The following PIBF1 variants were observed in gnomAD, a reference collection of about 807,000 sequenced individuals.
The protein encoded by PIBF1 is progesterone immunomodulatory binding factor 1, also known as progesterone-induced-blocking factor 1.
PIBF1 carries 90 observed loss-of-function variants against 112.5 expected under a neutral mutation model. The observed-to-expected ratio is 0.80, with a 90% CI of 0.67 to 0.95. PIBF1 has a LOEUF of 0.95. PIBF1 is among the 40% of genes least tolerant of loss of function. PIBF1 has a pLI of 0.00. For missense variants in PIBF1, 915 were observed against 852.3 expected (o/e 1.07, Z -0.92); for synonymous variants, 301 against 288.6 (o/e 1.04, Z -0.44).
Position 72,795,552 on chromosome 13 carries a change from G to A in PIBF1, c.547G>A (p.Val183Ile). 6.8e-7 allele frequency: 1 copy of A among 1,470,638 alleles called. No individual in the cohort carries two copies. The highest frequency in any genetic ancestry group is 9.4e-7 in the Non-Finnish European group (1 of 1,065,910). 91.1% of individuals were successfully genotyped at this position (1,470,638 alleles called of 1,614,324 possible). Residue 183 changes from valine (V) to isoleucine (I), a missense_variant, in exon 4 of 18, where the codon GTA becomes ATA. Coordinates refer to ENST00000326291, the MANE Select transcript of PIBF1 (RefSeq NM_006346.4). The part of the protein sequence containing the change: ...PEDQLSIPEY[V>I]SVRFYELVNP... ...AGATCAGCTTTCTATTCCTGAATAT[G>A]TATCTGTAAGTATCTTATATCTATT... is the stretch of plus-strand genomic sequence containing the variant.
chr13:72,978,116 T>A (rs545694155), intron 16 of PIBF1, among the ~76,000 whole-genome samples: 1 of 152,182 alleles, frequency 6.6e-6, no homozygotes, highest in Non-Finnish European at 1.5e-5. Context: ...TTCAGTAAAA[T>A]GTTCATAAAG....
intron 14 of PIBF1, among the ~76,000 whole-genome samples, chr13:72,938,443 A>G (rs908976151): frequency 2.6e-5 from 4 of 152,146 alleles, no homozygotes; most frequent in African/African-American, 7.2e-5. Context: ...TGTTATATAA[A>G]TGAAATCATG....
chr13:72,804,531 C>T (rs1205502901), intron 5 of PIBF1, among the ~76,000 whole-genome samples: 5 of 152,068 alleles, frequency 3.3e-5, no homozygotes, highest in East Asian at 1.9e-4. Context: ...TAGGGCAGGA[C>T]GCCTGTCACC....
chr13:72,889,956 T>A (rs769152152), intron 10 of PIBF1, among the ~76,000 whole-genome samples: 7 of 152,276 alleles, frequency 4.6e-5, no homozygotes, highest in Non-Finnish European at 8.8e-5. Flanking sequence ...TGTTTCTCAT[T>A]GAAATAAAAA....
chr13:72,893,530 A>T (rs566408614), intron 10 of PIBF1, among the ~76,000 whole-genome samples: 148 of 152,258 alleles, frequency 9.7e-4, no homozygotes, highest in African/African-American at 3.3e-3. Context: ...TTACAAAATG[A>T]TAGGAAATAA....
chr13:72,812,397 T>G (rs1354166367), intron 5 of PIBF1, among the ~76,000 whole-genome samples: 1 of 152,054 alleles, frequency 6.6e-6, no homozygotes, highest in African/African-American at 2.4e-5. Context: ...TGCATTTAAT[T>G]TTGTCATGGC....
At position 72,974,564 on chromosome 13, in the gene PIBF1, C is replaced by G. The variant is rs556969321; in HGVS notation, c.2049+889C>G. Reference sequence around the variant, plus strand: ...AATATATTGACCTCAAGTGATCCGCCTGCATCAGCCTCCCAAAGTGCTGGG... The same window carrying G: ...AATATATTGACCTCAAGTGATCCGCGTGCATCAGCCTCCCAAAGTGCTGGG... On this transcript the variant is annotated intron_variant, in intron 16 of 17. Coordinates refer to ENST00000326291, the MANE Select transcript of PIBF1 (RefSeq NM_006346.4). 1.8e-3 allele frequency among the ~76,000 whole-genome samples: 275 copies of G among 152,306 alleles called. 1 individual carries two copies. Among genetic ancestry groups the G allele is most frequent in the African/African-American group, 6.3e-3 (260 of 41,550 alleles).
chr13:72,822,306 G>C (rs572695528), intron 6 of PIBF1, among the ~76,000 whole-genome samples: 28 of 151,194 alleles, frequency 1.9e-4, no homozygotes, highest in Admixed American at 6.6e-4. Flanking sequence ...AGTTTTCCCT[G>C]AAGTTTTTTT....
chr13:72,971,224 A>G (rs1057185649), intron 15 of PIBF1, among the ~76,000 whole-genome samples: 5 of 132,366 alleles, frequency 3.8e-5, no homozygotes, highest in South Asian at 5.4e-4. Flanking sequence ...GTGTGTGTGT[A>G]TGCACTGAAT....
intron 2 of PIBF1, among the ~76,000 whole-genome samples, chr13:72,788,178 G>T (rs2034703376): frequency 6.6e-6 from 1 of 152,162 alleles, no homozygotes; most frequent in South Asian, 2.1e-4. Flanking sequence ...ACATTGAAAT[G>T]GCCTGATCTT....
rs545057724 is a variant in PIBF1, at chr13:72,795,454, G to C, written c.449G>C (p.Gly150Ala). The C allele has an allele frequency of 1.2e-6, 2 of 1,609,820 alleles. No individual in the cohort carries two copies. The highest frequency in any genetic ancestry group is 2.2e-5 in the East Asian group (1 of 44,780). Reference sequence around the variant, plus strand: ...AATCTTCAGCTAAGAGAAAAAGCTGGAGATGTTCGTCGAAACCTGCGTGAC... The same window carrying C: ...AATCTTCAGCTAAGAGAAAAAGCTGCAGATGTTCGTCGAAACCTGCGTGAC... ...ETNLQLREKA[G>A]DVRRNLRDFE... The change falls in exon 4 of 18, where the codon GGA (glycine) becomes GCA (alanine). Residue 150 changes from glycine to alanine, a missense_variant. Transcript: ENST00000326291.
chr13:72,832,097 T>TGC (rs2037151445), intron 8 of PIBF1, among the ~76,000 whole-genome samples: 1 of 131,728 alleles, frequency 7.6e-6, no homozygotes, highest in Non-Finnish European at 1.7e-5. Context: ...TTTTTTTTTT[T>TGC]TTTTTGCTTT....
intron 10 of PIBF1, among the ~76,000 whole-genome samples, chr13:72,859,219 T>C (rs2038582878): frequency 6.6e-6 from 1 of 152,116 alleles, no homozygotes; most frequent in South Asian, 2.1e-4. Flanking sequence ...AGAGTTAGGA[T>C]GGGTTCTCTA....
At chr13:72,938,756 G>A (rs769304376) in intron 14 of PIBF1, among the ~76,000 whole-genome samples, 4 of 152,098 alleles carry the variant, frequency 2.6e-5, no homozygotes, top group African/African-American at 4.8e-5. Flanking sequence ...ACTGTTTTTC[G>A]TAGTGACTAT....
chr13:72,881,246 A>G (rs1394273933), intron 10 of PIBF1: 1 of 152,196 alleles, frequency 6.6e-6, no homozygotes, highest in Non-Finnish European at 1.5e-5. Context: ...GAAAACCTAA[A>G]GACTCCACCA....
rs111799143 is a variant in PIBF1 at position 72,993,695 on chromosome 13, A to G, written c.2050-5127A>G. On this transcript the variant is annotated intron_variant, in intron 16 of 17. Transcript: ENST00000326291. ...CAGGAGGCAGAGCTTGCAGTGAGCC[A>G]AGATCACGGCATTGCACTCTAGCCT... is the stretch of plus-strand genomic sequence containing the variant. Among the ~76,000 whole-genome samples the G allele has an allele frequency of 4.6e-3, 695 of 151,284 alleles. 2 individuals are homozygous for G. The highest frequency in any genetic ancestry group is 7.7e-3 in the Non-Finnish European group (525 of 67,790).
intron 16 of PIBF1, among the ~76,000 whole-genome samples, chr13:72,985,250 G>A (rs538029553): frequency 7.9e-5 from 12 of 151,510 alleles, no homozygotes; most frequent in Non-Finnish European, 1.6e-4. Flanking sequence ...TGGCCAGGCC[G>A]GGCGCAGTGG....
chr13:72,987,059 T>C lies in PIBF1; in HGVS notation c.2050-11763T>C, dbSNP rs115241070. Among the ~76,000 whole-genome samples, 522 of 152,356 alleles carry C rather than the reference T, an allele frequency of 3.4e-3. 6 individuals are homozygous for C. The highest frequency in any genetic ancestry group is 0.012 in the African/African-American group (502 of 41,584). On this transcript the variant is annotated intron_variant, in intron 16 of 17. Coordinates refer to ENST00000326291, the MANE Select transcript of PIBF1 (RefSeq NM_006346.4). The stretch of plus-strand genomic sequence containing the variant: ...CTCTGCTCTAGTCAGTACTTCTTTC[T>C]TTATTCTGTTCTAGGCCCAAAAATT...
intron 14 of PIBF1, among the ~76,000 whole-genome samples, chr13:72,937,108 A>C (rs1301698199): frequency 6.6e-6 from 1 of 152,136 alleles, no homozygotes; most frequent in African/African-American, 2.4e-5. Flanking sequence ...CCCGTCTGAC[A>C]AAATATGATT....
Sources: gnomAD v4.1 joint callset for allele counts (sites outside exome capture counted in the v4.1 genomes callset) on GRCh38, gnomAD v4.1.1 for gene constraint, MANE v1.5 for transcripts, NCBI Gene and HGNC (gene_info 2026-07-23, HGNC 2026-07-21) for gene names.